Variants in MGA observed in about 807,000 individuals in gnomAD.
The protein encoded by MGA is MAX dimerization protein MGA.
A neutral mutation model predicts 261.1 loss-of-function variants in MGA; 40 were observed. That is an observed-to-expected ratio of 0.15 (90% CI 0.12 to 0.20). The LOEUF is 0.20. Ranked by LOEUF, MGA falls within the 10% of genes least tolerant of loss-of-function variation. The pLI, the probability that MGA is intolerant of heterozygous loss-of-function variation, is 1.00. For synonymous variants in MGA, 1,302 were observed against 1,290.6 expected, an observed-to-expected ratio of 1.01 and a Z score of -0.19; for missense variants, 3,397 against 3,630.5, an observed-to-expected ratio of 0.94 and a Z score of 1.65.
At chr15:41,645,688 A>G (rs1250512364) in intron 1 of MGA, among the ~76,000 whole-genome samples, 1 of 152,240 alleles carries the variant, frequency 6.6e-6, no homozygotes, top group Non-Finnish European at 1.5e-5. Context: ...AAGTAGATAG[A>G]TTTTGAAATG....
intron 20 of MGA, among the ~76,000 whole-genome samples, chr15:41,761,433 T>C (rs2063450586): frequency 6.6e-6 from 1 of 152,246 alleles, no homozygotes; most frequent in Non-Finnish European, 1.5e-5. Flanking sequence ...GATCTTAAAG[T>C]TGATTATTAA....
intron 17 of MGA, 75 bp downstream of exon 17, chr15:41,750,690 A>G (rs1780858353): frequency 7.5e-7 from 1 of 1,341,648 alleles, no homozygotes; most frequent in East Asian, 2.5e-5. Flanking sequence ...GCTTTTTCAG[A>G]AGAGCACTAA....
intron 2 of MGA, chr15:41,684,451 A>G: frequency 2.4e-6 from 1 of 425,432 alleles, no homozygotes; most frequent in South Asian, 1.7e-5. Flanking sequence ...ATGAAACTTA[A>G]CTGTTTGTGA....
rs2057905352 is a variant in MGA, at chr15:41,668,831, G to A, written c.-64G>A. ...TTTTTTTTTGCTTGTTTCTTAGGATGGGAAGGCCATTGTGACTATGTGGTG... is the reference window on the plus strand; with the variant it reads ...TTTTTTTTTGCTTGTTTCTTAGGATAGGAAGGCCATTGTGACTATGTGGTG... On this transcript the variant is annotated 5_prime_UTR_variant, in exon 2 of 24. An upstream start codon of the reference 5' UTR is lost. Transcript: ENST00000219905. 1 of 1,198,248 alleles carries A rather than the reference G, an allele frequency of 8.3e-7. No homozygotes were observed. The highest frequency in any genetic ancestry group is 1.5e-5 in the African/African-American group (1 of 66,268). The allele number at this position is 1,198,248 out of a possible 1,614,324, so 74.2% of individuals were successfully genotyped here.
intron 1 of MGA, among the ~76,000 whole-genome samples, chr15:41,654,660 A>AGATTACAG (rs2150743504): frequency 6.6e-6 from 1 of 152,244 alleles, no homozygotes; most frequent in African/African-American, 2.4e-5. Context: ...CAAAGTGCTG[A>AGATTACAG]GATTACAGGC....
At chr15:41,705,402 G>A (rs1204644884) in intron 5 of MGA, among the ~76,000 whole-genome samples, 1 of 151,428 alleles carries the variant, frequency 6.6e-6, no homozygotes, top group African/African-American at 2.4e-5. Flanking sequence ...TTTTTGCCTA[G>A]GCTGGATGGA....
chr15:41,755,450 T>A (rs2063092969), intron 18 of MGA, among the ~76,000 whole-genome samples: 1 of 152,180 alleles, frequency 6.6e-6, no homozygotes, highest in Non-Finnish European at 1.5e-5. Flanking sequence ...ATGAGTTTAG[T>A]CTGGGATAAT....
At chr15:41,712,629 T>C (rs1595829880) in intron 8 of MGA, among the ~76,000 whole-genome samples, 1 of 152,222 alleles carries the variant, frequency 6.6e-6, no homozygotes, top group Non-Finnish European at 1.5e-5. Context: ...TTATTAATCC[T>C]TCATAAAGAC....
intron 1 of MGA, among the ~76,000 whole-genome samples, chr15:41,662,038 C>A (rs1001694153): frequency 6.6e-6 from 1 of 152,066 alleles, no homozygotes; most frequent in Admixed American, 6.6e-5. Flanking sequence ...TAATAGTCGA[C>A]GGCGTCTGCT....
At chr15:41,638,191 C>T (rs79507398) in intron 1 of MGA, among the ~76,000 whole-genome samples, 12 of 149,044 alleles carry the variant, frequency 8.1e-5, no homozygotes, top group East Asian at 5.9e-4. Context: ...TATAGGTGTG[C>T]GCTGCCATGC....
At chr15:41,724,617 C>G (rs920297249) in intron 9 of MGA, among the ~76,000 whole-genome samples, 3 of 152,040 alleles carry the variant, frequency 2.0e-5, no homozygotes, top group Non-Finnish European at 2.9e-5. Flanking sequence ...TCAGGGAGGC[C>G]AGGGCTATGG....
chr15:41,751,522 G>C (rs933387632), intron 17 of MGA: 2 of 152,052 alleles, frequency 1.3e-5, no homozygotes, highest in Admixed American at 1.3e-4. Flanking sequence ...TCAGGAGTTT[G>C]AGACTAGTCT....
intron 1 of MGA, among the ~76,000 whole-genome samples, chr15:41,632,231 G>A (rs900450943): frequency 1.3e-5 from 2 of 152,138 alleles, no homozygotes; most frequent in Non-Finnish European, 2.9e-5. Flanking sequence ...GGACCTTAGC[G>A]TTTCTTTTAA....
intron 1 of MGA, chr15:41,621,373 GA>G (rs1436384975): frequency 6.6e-6 from 1 of 152,252 alleles, no homozygotes; most frequent in African/African-American, 2.4e-5. Context: ...CATAACGGCA[GA>G]AAAGGATGGC....
chr15:41,668,532 T>C (rs1024135614), intron 1 of MGA, among the ~76,000 whole-genome samples: 1 of 151,856 alleles, frequency 6.6e-6, no homozygotes, highest in Non-Finnish European at 1.5e-5. Flanking sequence ...TTTTTAATAA[T>C]GAATATACTC....
chr15:41,685,632 T>C (rs2058913394), intron 2 of MGA, among the ~76,000 whole-genome samples: 1 of 152,196 alleles, frequency 6.6e-6, no homozygotes, highest in African/African-American at 2.4e-5. Flanking sequence ...TTCATTCTTT[T>C]CAGTCTTTAA....
upstream of MGA, among the ~76,000 whole-genome samples, chr15:41,657,891 T>G (rs1432282833): frequency 6.6e-6 from 1 of 152,164 alleles, no homozygotes; most frequent in Non-Finnish European, 1.5e-5. Flanking sequence ...CTGAATAGAT[T>G]GGATGAGGAA....
intron 12 of MGA, among the ~76,000 whole-genome samples, chr15:41,735,504 G>A (rs1437667848): frequency 1.3e-5 from 2 of 152,178 alleles, no homozygotes; most frequent in Admixed American, 6.5e-5. Flanking sequence ...TTGGGAGGCC[G>A]AGGCGGGTGG....
At chr15:41,755,190 A>G (rs889661977) in intron 18 of MGA, among the ~76,000 whole-genome samples, 1 of 152,206 alleles carries the variant, frequency 6.6e-6, no homozygotes, top group African/African-American at 2.4e-5. Context: ...GCTGTGAGAA[A>G]GAGTAGAGAA....
Sources: allele counts gnomAD v4.1 joint callset (sites outside exome capture counted in the v4.1 genomes callset), GRCh38; gene constraint gnomAD v4.1.1; transcripts MANE v1.5; gene names NCBI Gene and HGNC (gene_info 2026-07-23, HGNC 2026-07-21).